Variants in PCDHA12 observed in about 807,000 individuals in gnomAD.
The protein encoded by PCDHA12 is protocadherin alpha-12.
A neutral mutation model predicts 60.0 loss-of-function variants in PCDHA12; 44 were observed. The ratio of observed to expected loss-of-function variants is 0.73; its 90% confidence interval spans 0.58 to 0.94. The LOEUF is 0.94. Ranked by LOEUF, PCDHA12 falls within the 40% of genes least tolerant of loss-of-function variation. PCDHA12 has a pLI of 0.00. For missense variants in PCDHA12, 1,276 were observed against 1,239.7 expected (o/e 1.03, Z -0.44); for synonymous variants, 569 against 553.0 (o/e 1.03, Z -0.40).
chr5:140,921,486 G>A (rs782660925), intron 1 of PCDHA12, among the ~76,000 whole-genome samples: 1 of 152,128 alleles, frequency 6.6e-6, no homozygotes, highest in African/African-American at 2.4e-5. Flanking sequence ...CTCTACCTGA[G>A]ATTAGTTTAT....
At chr5:140,963,210 C>T (rs1200019403) in intron 1 of PCDHA12, among the ~76,000 whole-genome samples, 1 of 151,742 alleles carries the variant, frequency 6.6e-6, no homozygotes, top group East Asian at 1.9e-4. Flanking sequence ...AAAAAAACCT[C>T]GTGTTTAGAG....
intron 1 of PCDHA12, among the ~76,000 whole-genome samples, chr5:140,935,456 C>G (rs981681011): frequency 6.6e-6 from 1 of 152,150 alleles, no homozygotes; most frequent in Non-Finnish European, 1.5e-5. Flanking sequence ...GATACTGTAG[C>G]AGTTTAAGTT....
chr5:140,967,204 G>C, intron 1 of PCDHA12: 10 of 1,613,634 alleles, frequency 6.2e-6, no homozygotes, highest in Non-Finnish European at 8.5e-6. Context: ...ACAACTCACC[G>C]CGTTTCCCGC....
At chr5:140,928,139 C>T in intron 1 of PCDHA12, 2 of 1,614,174 alleles carry the variant, frequency 1.2e-6, no homozygotes, top group Non-Finnish European at 8.5e-7. Flanking sequence ...GTCCTGATCA[C>T]GGCCTCAGAT....
intron 1 of PCDHA12, among the ~76,000 whole-genome samples, chr5:140,943,277 AGAAAG>A (rs797041544): frequency 8.1e-4 from 104 of 129,164 alleles, no homozygotes; most frequent in African/African-American, 3.0e-3. Context: ...AAAAAAAAAA[AGAAAG>A]AAAGAATTAA....
chr5:140,883,119 C>T, intron 1 of PCDHA12: 1 of 1,613,998 alleles, frequency 6.2e-7, no homozygotes, highest in Non-Finnish European at 8.5e-7. Context: ...TTTAGAAGGC[C>T]TGTATGGCCT....
At chr5:140,987,227 A>T (rs1410526870) in intron 3 of PCDHA12, among the ~76,000 whole-genome samples, 2 of 151,696 alleles carry the variant, frequency 1.3e-5, no homozygotes, top group African/African-American at 4.8e-5. Context: ...AAAAAAAAAA[A>T]TAATAAATAA....
intron 1 of PCDHA12, chr5:140,882,629 G>A: frequency 6.2e-7 from 1 of 1,614,254 alleles, no homozygotes; most frequent in Admixed American, 1.7e-5. Context: ...CCATGTGGAG[G>A]TGAAGGTGAG....
At chr5:140,882,333 C>A in intron 1 of PCDHA12, 1 of 1,614,220 alleles carries the variant, frequency 6.2e-7, no homozygotes, top group Non-Finnish European at 8.5e-7. Context: ...CTGATCCTCG[C>A]AGCCTGGGAG....
chr5:140,921,124 G>A (rs1017756296), intron 1 of PCDHA12, among the ~76,000 whole-genome samples: 1 of 146,978 alleles, frequency 6.8e-6, no homozygotes, highest in Non-Finnish European at 1.5e-5. Flanking sequence ...AGGACTACAG[G>A]TGCACACCAC....
At chr5:140,888,147 A>G (rs1182114974) in intron 1 of PCDHA12, among the ~76,000 whole-genome samples, 1 of 152,064 alleles carries the variant, frequency 6.6e-6, no homozygotes, top group African/African-American at 2.4e-5. Flanking sequence ...GCTGTTTTGC[A>G]TGACTGGTAA....
At chr5:140,898,003 G>A (rs2066458535) in intron 1 of PCDHA12, among the ~76,000 whole-genome samples, 1 of 152,152 alleles carries the variant, frequency 6.6e-6, no homozygotes, top group Non-Finnish European at 1.5e-5. Context: ...AGAAGTGTCT[G>A]TTCATATCCT....
At chr5:140,967,784 C>G in intron 1 of PCDHA12, 1 of 1,614,174 alleles carries the variant, frequency 6.2e-7, no homozygotes, top group Non-Finnish European at 8.5e-7. Flanking sequence ...GGCGACTGAC[C>G]GGGGTCCAGT....
chr5:140,985,813 CA>C lies in PCDHA12; in HGVS notation c.2515+3251del, dbSNP rs527803363. 8.2e-5 allele frequency among the ~76,000 whole-genome samples: 12 copies of C among 146,604 alleles called. No homozygotes were observed. In the East Asian group the frequency reaches 2.3e-3, roughly 28 times the overall value. ...GGAGTGCAGTGGCACGATCTCAGCT[CA>C]CAACAAGCTCTGCCTCCCGGGTTCA... On this transcript the variant is annotated intron_variant, in intron 3 of 3. Transcript: ENST00000398631.
intron 1 of PCDHA12, among the ~76,000 whole-genome samples, chr5:140,921,683 C>T (rs1554200360): frequency 6.6e-6 from 1 of 152,154 alleles, no homozygotes; most frequent in East Asian, 1.9e-4. Flanking sequence ...TCATCAAACA[C>T]TGGCCACCTC....
At chr5:140,950,559 T>TAA (rs1381352344) in intron 1 of PCDHA12, among the ~76,000 whole-genome samples, 1 of 152,076 alleles carries the variant, frequency 6.6e-6, no homozygotes, top group African/African-American at 2.4e-5. Flanking sequence ...GGGGGACACT[T>TAA]ATTTTAAGGT....
At chr5:140,886,664 A>G (rs1404216677) in intron 1 of PCDHA12, among the ~76,000 whole-genome samples, 1 of 151,922 alleles carries the variant, frequency 6.6e-6, no homozygotes, top group East Asian at 1.9e-4. Flanking sequence ...TGTCTCTACT[A>G]AAAATACAAA....
intron 1 of PCDHA12, among the ~76,000 whole-genome samples, chr5:140,938,877 ACACACACACACACAGATGCG>A (rs1350432569): frequency 6.6e-6 from 1 of 150,854 alleles, no homozygotes; most frequent in Non-Finnish European, 1.5e-5. Flanking sequence ...TTAAGAAGCA[ACACACACACACACAGATGCG>A]CACACACACA....
At chr5:140,932,124 A>G (rs2088056676) in intron 1 of PCDHA12, among the ~76,000 whole-genome samples, 1 of 151,956 alleles carries the variant, frequency 6.6e-6, no homozygotes, top group Admixed American at 6.5e-5. Flanking sequence ...GATAATATTT[A>G]AGATATAAAC....
Sources: allele counts gnomAD v4.1 joint callset (sites outside exome capture counted in the v4.1 genomes callset), GRCh38; gene constraint gnomAD v4.1.1; transcripts MANE v1.5; gene names NCBI Gene and HGNC (gene_info 2026-07-23, HGNC 2026-07-21).